PCDHA12: variants seen among roughly 807,000 people sequenced by gnomAD.
The protein encoded by PCDHA12 is protocadherin alpha 12.
PCDHA12 carries 44 observed loss-of-function variants against 60.0 expected under a neutral mutation model. The ratio of observed to expected loss-of-function variants is 0.73; its 90% CI spans 0.58 to 0.94. The LOEUF (loss-of-function observed/expected upper bound fraction) is 0.94, where lower values mean the gene tolerates loss of function less well. Among genes scored for constraint, PCDHA12 ranks in the 40% least tolerant of loss-of-function variants. The pLI is 0.00. For synonymous variants in PCDHA12, 569 were observed against 553.0 expected (o/e 1.03, Z -0.40); for missense variants, 1,276 against 1,239.7 (o/e 1.03, Z -0.44).
chr5:140,907,298 A>G (rs138771358), intron 1 of PCDHA12, among the ~76,000 whole-genome samples: 4 of 152,162 alleles, frequency 2.6e-5, no homozygotes, highest in Non-Finnish European at 4.4e-5. Flanking sequence ...CTGCTTCAGG[A>G]TGATGGGGAA....
chr5:140,915,960 G>A (rs1554197207), intron 1 of PCDHA12, among the ~76,000 whole-genome samples: 1 of 152,112 alleles, frequency 6.6e-6, no homozygotes, highest in Admixed American at 6.5e-5. Flanking sequence ...TTAGAAATTT[G>A]CCTGATATTT....
intron 1 of PCDHA12, among the ~76,000 whole-genome samples, chr5:140,955,110 T>C (rs915501300): frequency 7.2e-5 from 11 of 152,274 alleles, no homozygotes; most frequent in African/African-American, 2.6e-4. Flanking sequence ...TTCTGAGTTC[T>C]CTATTCTGTT....
chr5:140,933,359 C>G (rs2089088301), intron 1 of PCDHA12, among the ~76,000 whole-genome samples: 1 of 151,832 alleles, frequency 6.6e-6, no homozygotes, highest in Non-Finnish European at 1.5e-5. Context: ...TATTTCTAAC[C>G]CATCCCAAAT....
At chr5:140,997,129 C>T (rs983112049) in intron 3 of PCDHA12, among the ~76,000 whole-genome samples, 1 of 152,094 alleles carries the variant, frequency 6.6e-6, no homozygotes, top group Non-Finnish European at 1.5e-5. Flanking sequence ...ATACACAATG[C>T]CCCCACACCC....
At chr5:140,968,813 A>G (rs1554231120) in intron 1 of PCDHA12, 1 of 1,614,194 alleles carries the variant, frequency 6.2e-7, no homozygotes, top group South Asian at 1.1e-5. Context: ...TGTGGTGGAT[A>G]GGGTTTCCAA....
Position 141,009,469 on chromosome 5 carries a change from A to G in PCDHA12, c.2516-158A>G, listed in dbSNP as rs1440766583. On this transcript the variant is annotated intron_variant, in intron 3 of 3. Transcript: ENST00000398631. Reference sequence around the variant, plus strand: ...AAAAAAATTAAACAAATAAATAAATAAGTAAACACTTGCCTTGCCCTCAGA... The same window carrying G: ...AAAAAAATTAAACAAATAAATAAATGAGTAAACACTTGCCTTGCCCTCAGA... 6 of 956,242 alleles carry G rather than the reference A, an allele frequency of 6.3e-6. No homozygotes were observed. The African/African-American group carries it at 7.1e-5, about 11-fold the overall frequency. 59.2% of individuals were successfully genotyped at this position (956,242 alleles called of 1,614,324 possible). A position where few individuals can be genotyped will look rare whatever the true frequency, so the allele number is the denominator to read the frequency against.
chr5:140,922,926 T>C (rs1476173998), intron 1 of PCDHA12, among the ~76,000 whole-genome samples: 2 of 152,222 alleles, frequency 1.3e-5, no homozygotes, highest in African/African-American at 4.8e-5. Context: ...CTTCAGACTT[T>C]TACTTCCAGC....
chr5:140,884,083 G>A, intron 1 of PCDHA12: 1 of 1,613,596 alleles, frequency 6.2e-7, no homozygotes. Context: ...GCTACAATGC[G>A]TGGCTTTCGT....
rs2098415068 is a variant in PCDHA12, at chr5:141,009,865, AAAG to A, written c.2761_2763del (p.Lys921del). The A allele has an allele frequency of 3.1e-6, 5 of 1,614,074 alleles. No homozygotes were observed. The highest frequency in any genetic ancestry group is 4.5e-5 in the East Asian group (2 of 44,872). On this transcript the variant is annotated inframe_deletion, in exon 4 of 4. Transcript: ENST00000398631. ...AGGAGGAGACCAAGAAAAAGAAGAA[AAAG>A]AAGAAGGGTAACAAGACCCAGGAGA...
At chr5:140,982,074 T>TAGAGAACCTAGGAACA (rs1554243726) in intron 2 of PCDHA12, among the ~76,000 whole-genome samples, 1 of 151,090 alleles carries the variant, frequency 6.6e-6, no homozygotes, top group Non-Finnish European at 1.5e-5. Flanking sequence ...TTCTTTAGAG[T>TAGAGAACCTAGGAACA]AGAGAACCTA....
intron 1 of PCDHA12, chr5:140,929,724 TA>T (rs2086341478): frequency 4.6e-6 from 1 of 218,158 alleles, no homozygotes; most frequent in Admixed American, 5.9e-5. Flanking sequence ...GTGAAACATT[TA>T]CTTAAACTAT....
intron 1 of PCDHA12, among the ~76,000 whole-genome samples, chr5:140,941,369 T>C (rs2093052615): frequency 6.8e-6 from 1 of 147,356 alleles, no homozygotes; most frequent in Non-Finnish European, 1.5e-5. Context: ...TAGGCTGGAG[T>C]GTAGTGACAG....
chr5:140,928,829 T>C, intron 1 of PCDHA12: 1 of 1,614,170 alleles, frequency 6.2e-7, no homozygotes, highest in Non-Finnish European at 8.5e-7. Context: ...GACCCACCAC[T>C]TTCCTCCTCT....
intron 1 of PCDHA12, among the ~76,000 whole-genome samples, chr5:140,976,307 T>C (rs955106939): frequency 6.6e-6 from 1 of 152,100 alleles, no homozygotes; most frequent in African/African-American, 2.4e-5. Flanking sequence ...TCCCAGCACT[T>C]TGGGAGGCCG....
chr5:140,994,314 C>T (rs936811729), intron 3 of PCDHA12, among the ~76,000 whole-genome samples: 4 of 152,192 alleles, frequency 2.6e-5, no homozygotes, highest in African/African-American at 9.6e-5. Flanking sequence ...AGGGCCCAAA[C>T]ACTCTCAGCA....
At chr5:140,894,068 A>G (rs2064306594) in intron 1 of PCDHA12, among the ~76,000 whole-genome samples, 1 of 152,160 alleles carries the variant, frequency 6.6e-6, no homozygotes, top group Non-Finnish European at 1.5e-5. Context: ...TTTTAAATAC[A>G]TTTATTTTAT....
intron 1 of PCDHA12, among the ~76,000 whole-genome samples, chr5:140,897,050 G>A (rs1269082503): frequency 6.6e-6 from 1 of 152,014 alleles, no homozygotes; most frequent in Non-Finnish European, 1.5e-5. Flanking sequence ...CTATTCTGCT[G>A]TCAAATACTA....
chr5:140,910,791 G>A (rs1471299729), intron 1 of PCDHA12, among the ~76,000 whole-genome samples: 2 of 152,140 alleles, frequency 1.3e-5, no homozygotes, highest in Non-Finnish European at 2.9e-5. Context: ...ATTAAATGCA[G>A]AATCCCTGCT....
intron 3 of PCDHA12, among the ~76,000 whole-genome samples, chr5:141,007,654 C>T (rs1461130528): frequency 6.6e-6 from 1 of 152,052 alleles, no homozygotes; most frequent in Non-Finnish European, 1.5e-5. Context: ...CCTAAAAAAC[C>T]ATAAATTTAC....
Sources: allele counts gnomAD v4.1 joint callset (sites outside exome capture counted in the v4.1 genomes callset), GRCh38; gene constraint gnomAD v4.1.1; transcripts MANE v1.5; gene names NCBI Gene and HGNC (gene_info 2026-07-23, HGNC 2026-07-21).